The following POLR2M variants were observed in gnomAD, a reference collection of about 807,000 sequenced individuals.
POLR2M encodes RNA polymerase II subunit M, also known as protein GRINL1A.
Under a neutral mutation model 34.6 loss-of-function variants are expected in POLR2M, and 30 were observed. The ratio of observed to expected loss-of-function variants is 0.87; its 90% CI spans 0.65 to 1.18. POLR2M has a LOEUF of 1.18. POLR2M is among the 50% of genes most tolerant of loss of function. The probability of loss-of-function intolerance (pLI) is 0.00; values close to 1 mark genes in which losing one functional copy is unlikely to be tolerated. For missense variants in POLR2M, 432 were observed against 448.7 expected (o/e 0.96, Z 0.34); for synonymous variants, 150 against 166.7 (o/e 0.90, Z 0.77).
At position 57,712,078 on chromosome 15, in the gene POLR2M, C is replaced by G. The variant is rs974575882; in HGVS notation, c.853C>G (p.Leu285Val). 1.2e-6 allele frequency: 2 copies of G among 1,614,130 alleles called. No individual in the cohort carries two copies. Among genetic ancestry groups the G allele is most frequent in the Non-Finnish European group, 1.7e-6 (2 of 1,180,018 alleles). The change falls in exon 3 of 4, where the codon CTT (leucine) becomes GTT (valine). Residue 285 changes from leucine (L) to valine (V), a missense_variant. Transcript: ENST00000299638. ...EERRRRDKQH[L>V]DDITAARLLP... is the part of the protein sequence containing the mutation. Reference sequence around the variant, plus strand: ...GCGGCGGCGCAGGGATAAGCAGCATCTTGATGACATCACAGCAGCTCGGCT... The same window carrying G: ...GCGGCGGCGCAGGGATAAGCAGCATGTTGATGACATCACAGCAGCTCGGCT...
In POLR2M at chr15:57,717,069, C is replaced by T. The variant is rs572557703; in HGVS notation, c.*2390C>T. 10 of 152,090 alleles carry T rather than the reference C, an allele frequency of 6.6e-5. No homozygotes were observed. Among genetic ancestry groups the T allele is most frequent in the Non-Finnish European group, 1.2e-4 (8 of 68,006 alleles). 9.4% of individuals were successfully genotyped at this position (152,090 alleles called of 1,614,324 possible). A position where few individuals can be genotyped will look rare whatever the true frequency, so the allele number is the denominator to read the frequency against. On this transcript the variant is annotated 3_prime_UTR_variant, in exon 4 of 4. Coordinates refer to ENST00000299638, the MANE Select transcript of POLR2M (RefSeq NM_015532.5). ...ATAAGGTAGGGATTTGATTTTATTT[C>T]GAAGAATTTACCAATTGGTTCAGTA...
rs1244966616 is a variant in POLR2M at position 57,716,607 on chromosome 15, C to T, written c.*1928C>T. ...TTAAAATTTGTATTTGTTTTTCTTA[C>T]TTAGTGAAGGTTGTGTTTTTTTTCA... On this transcript the variant is annotated 3_prime_UTR_variant, in exon 4 of 4. Transcript: ENST00000299638. 1.3e-5 allele frequency: 2 copies of T among 152,256 alleles called. No individual in the cohort carries two copies. The highest frequency in any genetic ancestry group is 6.5e-5 in the Admixed American group (1 of 15,292). 9.4% of individuals were successfully genotyped at this position (152,256 alleles called of 1,614,324 possible). A position where few individuals can be genotyped will look rare whatever the true frequency, so the allele number is the denominator to read the frequency against.
Position 57,708,864 on chromosome 15 carries a change from A to C in POLR2M, c.264A>C (p.Ala88=), listed in dbSNP as rs755299851. The C allele has an allele frequency of 1.2e-6, 2 of 1,614,038 alleles. No homozygotes were observed. The highest frequency in any genetic ancestry group is 3.3e-5 in the Admixed American group (2 of 60,020). Residue 88 remains alanine, a synonymous_variant, in exon 2 of 4, where the codon GCA becomes GCC. Coordinates refer to ENST00000299638, the MANE Select transcript of POLR2M (RefSeq NM_015532.5). ...TAGACTGTAAGCTAAGGCAAAAAGC[A>C]ATTGCAGAAGTTGATGTGGGTACAG... ...VSLDCKLRQK[A]IAEVDVGTDK... is the part of the protein sequence containing the mutation.
At chr15:57,708,594 C>A in intron 1 of POLR2M, 120 bp from the exon 2 acceptor site, 1 of 907,190 alleles carries the variant, frequency 1.1e-6, no homozygotes, top group East Asian at 2.8e-5. Context: ...AGTTAGAAAT[C>A]AGATATTTGA....
chr15:57,709,518 T>G (rs2040628500), intron 2 of POLR2M, among the ~76,000 whole-genome samples, 160 bp downstream of exon 2: 1 of 152,168 alleles, frequency 6.6e-6, no homozygotes, highest in Admixed American at 6.5e-5. Flanking sequence ...TAGACCAGCT[T>G]GGGCAATATA....
At position 57,708,804 on chromosome 15, in the gene POLR2M, TAGAAGAA is replaced by T. The variant is rs2040592500; in HGVS notation, c.206_212del (p.Arg69LysfsTer10). On this transcript the variant is annotated frameshift_variant, in exon 2 of 4. Coordinates refer to ENST00000299638, the MANE Select transcript of POLR2M (RefSeq NM_015532.5). LOFTEE classifies it high-confidence loss of function. ...CTGCCATTGCAGAATGTGAAGAAGT[TAGAAGAA>T]AAAGTGAACTGTTTAACCCTGTTAG... The T allele has an allele frequency of 6.2e-7, 1 of 1,613,500 alleles. No individual in the cohort carries two copies. Among genetic ancestry groups the T allele is most frequent in the Non-Finnish European group, 8.5e-7 (1 of 1,179,796 alleles).
chr15:57,714,560 C>G lies in POLR2M; in HGVS notation c.988C>G (p.Gln330Glu), dbSNP rs199795787. Residue 330 changes from glutamine (Q) to glutamate (E), a missense_variant, in exon 4 of 4, where the codon CAA (glutamine) becomes GAA (glutamate). By Grantham distance (29) the Gln-to-Glu change is conservative (BLOSUM62 2). Coordinates refer to ENST00000299638, the MANE Select transcript of POLR2M (RefSeq NM_015532.5). ...GGAGATGCAAGCAAAGCTCGCAGCG[C>G]AAAAATTAGCTGAAAGACTGAATAT... ...YEEMQAKLAA[Q>E]KLAERLNIKM... 55 of 1,613,580 alleles carry G rather than the reference C, an allele frequency of 3.4e-5. No individual in the cohort carries two copies. The highest frequency in any genetic ancestry group is 4.5e-5 in the Non-Finnish European group (53 of 1,179,834).
In POLR2M at chr15:57,716,907, T is replaced by C. The variant is rs1184765131; in HGVS notation, c.*2228T>C. On this transcript the variant is annotated 3_prime_UTR_variant, in exon 4 of 4. Transcript: ENST00000299638. ...ATGGATAAATGTCCTTATTTTCTTC[T>C]AGTATTTTCTTATTTCACTTTTACA... 6.6e-6 allele frequency: 1 copy of C among 152,222 alleles called. No homozygotes were observed. The highest frequency in any genetic ancestry group is 6.5e-5 in the Admixed American group (1 of 15,282). The allele number at this position is 152,222 out of a possible 1,614,324, so 9.4% of individuals were successfully genotyped here.
intron 1 of POLR2M, among the ~76,000 whole-genome samples, chr15:57,708,503 T>C (rs2040580538): frequency 6.6e-6 from 1 of 152,224 alleles, no homozygotes; most frequent in African/African-American, 2.4e-5. Flanking sequence ...AGGCATATAT[T>C]CCCTATTCTT....
chr15:57,712,868 T>C (rs1178673239), intron 3 of POLR2M, among the ~76,000 whole-genome samples: 6 of 152,196 alleles, frequency 3.9e-5, no homozygotes, highest in African/African-American at 1.4e-4. Flanking sequence ...CAGAAAAGTT[T>C]AGAAGTATTT....
rs2040879825 is a variant in POLR2M, at chr15:57,714,816, C to T, written c.*137C>T. ...ACACAAAGGTAGTTATAAAAAAAGC[C>T]CAGTTTGTCTTTCAGAAGGTGACTT... is the stretch of plus-strand genomic sequence containing the variant. On this transcript the variant is annotated 3_prime_UTR_variant, in exon 4 of 4. Coordinates refer to ENST00000299638, the MANE Select transcript of POLR2M (RefSeq NM_015532.5). The T allele has an allele frequency of 3.6e-6, 5 of 1,402,158 alleles. No homozygotes were observed. The highest frequency in any genetic ancestry group is 2.9e-5 in the Admixed American group (1 of 35,030). 86.9% of individuals were successfully genotyped at this position (1,402,158 alleles called of 1,614,324 possible).
rs2040906595 is a variant in POLR2M, at chr15:57,715,530, G to A, written c.*851G>A. 1.3e-5 allele frequency: 2 copies of A among 152,146 alleles called. No homozygotes were observed. Among genetic ancestry groups the A allele is most frequent in the South Asian group, 4.1e-4 (2 of 4,824 alleles). The allele number at this position is 152,146 out of a possible 1,614,324, so 9.4% of individuals were successfully genotyped here. On this transcript the variant is annotated 3_prime_UTR_variant, in exon 4 of 4. Coordinates refer to ENST00000299638, the MANE Select transcript of POLR2M (RefSeq NM_015532.5). ...GTGCATCACCTGGCTTGAGTTCCTT[G>A]CTGTCACAGATGATAGGTTCATGTA...
chr15:57,706,824 C>A lies in POLR2M; in HGVS notation c.-19C>A. 1 of 1,546,862 alleles carries A rather than the reference C, an allele frequency of 6.5e-7. No individual in the cohort carries two copies. The highest frequency in any genetic ancestry group is 2.0e-5 in the Admixed American group (1 of 51,204). Reference sequence around the variant, plus strand: ...GGAAGCCGAGTGCCCGCCGCCGCGCCAGCCTCAGCCCGCGCAGAATGTGCT... The same window carrying A: ...GGAAGCCGAGTGCCCGCCGCCGCGCAAGCCTCAGCCCGCGCAGAATGTGCT... On this transcript the variant is annotated 5_prime_UTR_variant, in exon 1 of 4. Transcript: ENST00000299638.
intron 2 of POLR2M, among the ~76,000 whole-genome samples, chr15:57,711,476 C>G (rs2040710199): frequency 6.6e-6 from 1 of 152,228 alleles, no homozygotes; most frequent in Admixed American, 6.5e-5. Context: ...TGTCTACCTT[C>G]TGTACTTTCT....
intron 2 of POLR2M, among the ~76,000 whole-genome samples, chr15:57,711,618 T>C (rs2040716527): frequency 3.9e-5 from 6 of 152,232 alleles, no homozygotes; most frequent in Admixed American, 3.9e-4. Flanking sequence ...GCCATTTCCT[T>C]ATGTTCCAAT....
Position 57,708,523 on chromosome 15 carries a change from C to T in POLR2M, c.114-191C>T, listed in dbSNP as rs541780743. 2.8e-4 allele frequency among the ~76,000 whole-genome samples: 42 copies of T among 152,174 alleles called. No homozygotes were observed. In the South Asian group the frequency reaches 8.5e-3, roughly 31 times the overall value. ...TATATTCCCTATTCTTCCTGCATTC[C>T]CTTGTTTTTTGGGCTATTTGGATAA... On this transcript the variant is annotated intron_variant, in intron 1 of 3. Coordinates refer to ENST00000299638, the MANE Select transcript of POLR2M (RefSeq NM_015532.5).
rs2040924789 is a variant in POLR2M at position 57,715,947 on chromosome 15, G to A, written c.*1268G>A. The A allele has an allele frequency of 6.6e-6, 1 of 152,280 alleles. No individual in the cohort carries two copies. The highest frequency in any genetic ancestry group is 2.1e-4 in the South Asian group (1 of 4,838). The allele number at this position is 152,280 out of a possible 1,614,324, so 9.4% of individuals were successfully genotyped here. A position where few individuals can be genotyped will look rare whatever the true frequency, so the allele number is the denominator to read the frequency against. On this transcript the variant is annotated 3_prime_UTR_variant, in exon 4 of 4. Coordinates refer to ENST00000299638, the MANE Select transcript of POLR2M (RefSeq NM_015532.5). ...CTCAAGCAAATGTGAAAAGTATACT[G>A]ACCTAAGATTCTCATTAGTTTTAGT...
chr15:57,710,345 G>C (rs1436379702), intron 2 of POLR2M, among the ~76,000 whole-genome samples: 2 of 152,152 alleles, frequency 1.3e-5, no homozygotes, highest in Non-Finnish European at 1.5e-5. Context: ...CAGGTAACTG[G>C]TACCTTCTTC....
rs1218880404 is a variant in POLR2M, at chr15:57,716,222, A to G, written c.*1543A>G. 1 of 152,280 alleles carries G rather than the reference A, an allele frequency of 6.6e-6. No homozygotes were observed. Among genetic ancestry groups the G allele is most frequent in the Non-Finnish European group, 1.5e-5 (1 of 68,046 alleles). The allele number at this position is 152,280 out of a possible 1,614,324, so 9.4% of individuals were successfully genotyped here. A position where few individuals can be genotyped will look rare whatever the true frequency, so the allele number is the denominator to read the frequency against. ...GTAGTCTGCTCTATATATTGTCAAT[A>G]TGTTCCCATATTAAATATTTTGCTT... On this transcript the variant is annotated 3_prime_UTR_variant, in exon 4 of 4. Transcript: ENST00000299638.
Sources: allele counts gnomAD v4.1 joint callset (sites outside exome capture counted in the v4.1 genomes callset), GRCh38; gene constraint gnomAD v4.1.1; transcripts MANE v1.5; gene names NCBI Gene and HGNC (gene_info 2026-07-23, HGNC 2026-07-21).